Variants in FYCO1 observed in about 807,000 individuals in gnomAD.
The protein encoded by FYCO1 is FYVE and coiled-coil domain-containing protein 1.
In FYCO1, 122 loss-of-function variants were observed where a neutral mutation model predicts 165.1. That is an observed-to-expected ratio of 0.74 (90% CI 0.64 to 0.86). The LOEUF (loss-of-function observed/expected upper bound fraction) is 0.86. FYCO1 is among the 40% of genes least tolerant of loss of function. The pLI is 0.00. For synonymous variants in FYCO1, 648 were observed against 742.5 expected, an observed-to-expected ratio of 0.87 and a Z score of 2.07; for missense variants, 1,702 against 1,810.3, an observed-to-expected ratio of 0.94 and a Z score of 1.09.
Position 45,959,374 on chromosome 3 carries a change from C to T in FYCO1, c.3587+19G>A. Reference sequence around the variant, plus strand: ...GCCCCACCAGGGTGTTGGTGCCAACCCACGAGCTCCCTGCTGACCTGCAGT... The same window carrying T: ...GCCCCACCAGGGTGTTGGTGCCAACTCACGAGCTCCCTGCTGACCTGCAGT... On this transcript the variant is annotated intron_variant, in intron 12 of 17. Coordinates refer to ENST00000296137, the MANE Select transcript of FYCO1 (RefSeq NM_024513.4). 1 of 1,613,684 alleles carries T rather than the reference C, an allele frequency of 6.2e-7. No homozygotes were observed. Among genetic ancestry groups the T allele is most frequent in the Non-Finnish European group, 8.5e-7 (1 of 1,179,948 alleles).
In FYCO1 at chr3:45,937,041, A is replaced by T. The variant is rs369059132; in HGVS notation, c.3945-498T>A. On this transcript the variant is annotated intron_variant, in intron 14 of 17. Coordinates refer to ENST00000296137, the MANE Select transcript of FYCO1 (RefSeq NM_024513.4). ...CATTTTGGCAAATTGAAGTCCCTGCACTTCACTGATGGGGACACAGAGGCC... is the reference window on the plus strand; with the variant it reads ...CATTTTGGCAAATTGAAGTCCCTGCTCTTCACTGATGGGGACACAGAGGCC... 3.9e-4 allele frequency among the ~76,000 whole-genome samples: 60 copies of T among 152,250 alleles called. No homozygotes were observed. In the East Asian group the frequency reaches 4.8e-3, roughly 12 times the overall value.
chr3:45,947,281 A>T (rs1479872638), intron 14 of FYCO1: 2 of 1,613,864 alleles, frequency 1.2e-6, no homozygotes, highest in African/African-American at 2.7e-5. Flanking sequence ...ACCAGCTTTC[A>T]CTACACCATC....
chr3:45,947,867 G>T, intron 14 of FYCO1: 1 of 251,180 alleles, frequency 4.0e-6, no homozygotes. Context: ...GCTGTTGATG[G>T]TAGGTGGCAC....
At chr3:45,928,530 C>A (rs1703430470) in intron 16 of FYCO1, among the ~76,000 whole-genome samples, 2 of 152,236 alleles carry the variant, frequency 1.3e-5, no homozygotes, top group Admixed American at 1.3e-4. Flanking sequence ...GGAAGTGGGT[C>A]TGGAGAGAGG....
At chr3:45,938,060 G>C in intron 14 of FYCO1, 1 of 419,330 alleles carries the variant, frequency 2.4e-6, no homozygotes, top group Non-Finnish European at 4.6e-6. Context: ...CACAGAATGA[G>C]AGAGACACTG....
intron 17 of FYCO1, among the ~76,000 whole-genome samples, chr3:45,922,835 T>C (rs1308339840): frequency 6.6e-6 from 1 of 152,220 alleles, no homozygotes; most frequent in South Asian, 2.1e-4. Context: ...GCTGGGGATG[T>C]GACCGGTAGC....
chr3:45,923,861 G>T, intron 16 of FYCO1, 96 bp from the exon 17 acceptor site: 5 of 835,342 alleles, frequency 6.0e-6, no homozygotes, highest in South Asian at 5.4e-5. Flanking sequence ...AGGAGGCTGA[G>T]TGTGTTGCCT....
intron 14 of FYCO1, among the ~76,000 whole-genome samples, chr3:45,953,755 T>C (rs1044798368): frequency 3.3e-5 from 5 of 152,170 alleles, no homozygotes; most frequent in African/African-American, 1.2e-4. Context: ...TAGGGCAAAG[T>C]GCAGGCTAGG....
rs777803509 is a variant in FYCO1 at position 45,967,185 on chromosome 3, C to T, written c.2149G>A (p.Glu717Lys). 1.9e-6 allele frequency: 3 copies of T among 1,613,852 alleles called. No individual in the cohort carries two copies. Among genetic ancestry groups the T allele is most frequent in the Admixed American group, 1.7e-5 (1 of 60,022 alleles). ...GCTTCTGCCAGTTGCTGGCACTGCT[C>T]CACCTCCTCCCGCAGCTGCTGACAC... ...GECQQLREEV[E>K]QCQQLAEARH... The change falls in exon 8 of 18, where the codon GAG becomes AAG. Residue 717 changes from glutamate to lysine, a missense_variant. By Grantham distance (56) the Glu-to-Lys change is moderately conservative (BLOSUM62 1). Transcript: ENST00000296137.
At chr3:45,971,746 T>A (rs1013863689) in intron 6 of FYCO1, among the ~76,000 whole-genome samples, 1 of 152,252 alleles carries the variant, frequency 6.6e-6, no homozygotes, top group African/African-American at 2.4e-5. Context: ...TAAAGGGGAC[T>A]AGAGAGGCAT....
intron 14 of FYCO1, chr3:45,947,668 A>T: frequency 1.6e-6 from 1 of 644,488 alleles, no homozygotes; most frequent in Non-Finnish European, 2.8e-6. Context: ...AGGCATGAAC[A>T]TGTACTGTTC....
At chr3:45,931,033 G>A in intron 16 of FYCO1, 38 bp downstream of exon 16, 1 of 1,584,800 alleles carries the variant, frequency 6.3e-7, no homozygotes, top group Non-Finnish European at 8.6e-7. Context: ...ACCCAGATGT[G>A]TGTGTAAGGA....
chr3:45,936,329 G>A (rs974700164), intron 15 of FYCO1, 119 bp downstream of exon 15: 11 of 724,198 alleles, frequency 1.5e-5, no homozygotes, highest in African/African-American at 1.0e-4. Context: ...AAGAATAAAC[G>A]AAGCCCCACT....
chr3:45,985,647 C>T (rs1222825158), intron 1 of FYCO1, among the ~76,000 whole-genome samples: 2 of 152,244 alleles, frequency 1.3e-5, no homozygotes, highest in Non-Finnish European at 2.9e-5. Context: ...GCAGATGCTG[C>T]CTGGCCTTCT....
At chr3:45,922,360 G>A (rs1232685620) in intron 17 of FYCO1, among the ~76,000 whole-genome samples, 3 of 152,216 alleles carry the variant, frequency 2.0e-5, no homozygotes, top group African/African-American at 4.8e-5. Flanking sequence ...GGCTTGGGAC[G>A]GTGCTCTGCC....
Position 45,975,137 on chromosome 3 carries a change from G to A in FYCO1, c.395+102C>T, listed in dbSNP as rs927664497. 5.1e-5 allele frequency: 43 copies of A among 843,302 alleles called. No homozygotes were observed. The South Asian group carries it at 5.5e-4, about 11-fold the overall frequency. The allele number at this position is 843,302 out of a possible 1,614,324, so 52.2% of individuals were successfully genotyped here. A position where few individuals can be genotyped will look rare whatever the true frequency, so the allele number is the denominator to read the frequency against. On this transcript the variant is annotated intron_variant, in intron 5 of 17. Transcript: ENST00000296137. ...GGAAGGAGTCTGCAGTGTCACGGGG[G>A]ACACAAATGAGCACTACTGTTGCAG...
intron 16 of FYCO1, among the ~76,000 whole-genome samples, chr3:45,929,993 C>T (rs572145302): frequency 2.2e-4 from 33 of 152,250 alleles, no homozygotes; most frequent in Admixed American, 1.3e-3. Context: ...TCAAGCCCCT[C>T]GAGGGCACCC....
chr3:45,964,995 T>C lies in FYCO1; in HGVS notation c.3150+38A>G, dbSNP rs1457868592. On this transcript the variant is annotated intron_variant, in intron 9 of 17. Transcript: ENST00000296137. The surrounding 1 kb of genome is among the most constrained non-coding windows in gnomAD (Gnocchi z 4.1). ...ATGGTCCAGTCAAAACCACACCAGA[T>C]GCCCTCTCCCTGACAGGTCTACACT... 4 of 1,543,398 alleles carry C rather than the reference T, an allele frequency of 2.6e-6. No individual in the cohort carries two copies. The highest frequency in any genetic ancestry group is 3.6e-6 in the Non-Finnish European group (4 of 1,116,392).
At chr3:45,938,223 T>C in intron 14 of FYCO1, 2 of 1,289,172 alleles carry the variant, frequency 1.6e-6, no homozygotes, top group South Asian at 2.5e-5. Flanking sequence ...ACAGAGCAGG[T>C]TTCCCAGACC....
Sources: allele counts gnomAD v4.1 joint callset (sites outside exome capture counted in the v4.1 genomes callset), GRCh38; gene constraint gnomAD v4.1.1; non-coding constraint Gnocchi (gnomAD v3.1); transcripts MANE v1.5; gene names NCBI Gene and HGNC (gene_info 2026-07-23, HGNC 2026-07-21).